Variants in NRXN1 observed in about 807,000 individuals in gnomAD.
NRXN1 encodes the protein neurexin 1.
NRXN1 carries 39 observed loss-of-function variants against 150.9 expected under a neutral mutation model. The ratio of observed to expected loss-of-function variants is 0.26; its 90% CI spans 0.20 to 0.34. NRXN1 has a LOEUF of 0.34. NRXN1 is among the 10% of genes least tolerant of loss of function. The pLI, the probability that NRXN1 is intolerant of heterozygous loss-of-function variation, is 1.00. For synonymous variants in NRXN1, 924 were observed against 757.0 expected (o/e 1.22, Z -3.62); for missense variants, 1,815 against 1,949.9 (o/e 0.93, Z 1.30).
chr2:50,824,484 C>T (rs1024205034), intron 5 of NRXN1, among the ~76,000 whole-genome samples: 2 of 151,766 alleles, frequency 1.3e-5, no homozygotes, highest in African/African-American at 4.8e-5. Flanking sequence ...CTTATGATTT[C>T]ACAATTTTCT....
At chr2:50,481,440 T>G (rs1270174504) in intron 15 of NRXN1, among the ~76,000 whole-genome samples, 1 of 152,242 alleles carries the variant, frequency 6.6e-6, no homozygotes, top group Non-Finnish European at 1.5e-5. Flanking sequence ...TTCTGATACA[T>G]AAGTAGAATT....
chr2:50,972,622 T>C (rs1390572249), intron 2 of NRXN1, among the ~76,000 whole-genome samples: 1 of 152,068 alleles, frequency 6.6e-6, no homozygotes, highest in African/African-American at 2.4e-5. Context: ...AGACTTAGCT[T>C]GTTTTCCTGC....
intron 5 of NRXN1, among the ~76,000 whole-genome samples, chr2:50,713,262 C>T (rs144078769): frequency 5.2e-4 from 79 of 151,154 alleles, no homozygotes; most frequent in African/African-American, 1.8e-3. Flanking sequence ...TGCAGTGAGC[C>T]GAGATAGTAC....
At chr2:50,196,588 A>G (rs1023890604) in intron 18 of NRXN1, among the ~76,000 whole-genome samples, 6 of 152,158 alleles carry the variant, frequency 3.9e-5, no homozygotes, top group African/African-American at 1.4e-4. Context: ...ATGACACAGT[A>G]TAAAACAGGC....
chr2:50,728,671 G>T (rs1331396415), intron 5 of NRXN1, among the ~76,000 whole-genome samples: 3 of 152,108 alleles, frequency 2.0e-5, no homozygotes, highest in Non-Finnish European at 4.4e-5. Context: ...GAAAATGCCT[G>T]CCTGTTAAAT....
At chr2:49,964,281 T>C (rs1676523510) in intron 21 of NRXN1, among the ~76,000 whole-genome samples, 1 of 152,196 alleles carries the variant, frequency 6.6e-6, no homozygotes, top group Non-Finnish European at 1.5e-5. Context: ...ACATAATCAC[T>C]ACATCTTCCA....
At chr2:50,490,715 C>G (rs1285715505) in intron 15 of NRXN1, among the ~76,000 whole-genome samples, 1 of 152,142 alleles carries the variant, frequency 6.6e-6, no homozygotes, top group Admixed American at 6.5e-5. Flanking sequence ...GGTGGCTGCA[C>G]TGCTGTCACG....
chr2:50,465,587 G>C (rs377593434), intron 16 of NRXN1, 26 bp from the exon 17 acceptor site: 24 of 1,580,272 alleles, frequency 1.5e-5, no homozygotes, highest in Non-Finnish European at 2.6e-6. Flanking sequence ...AAGGAAACTT[G>C]GGTTCTTTAA....
At chr2:50,038,769 CCTTT>C (rs1690449736) in intron 21 of NRXN1, among the ~76,000 whole-genome samples, 1 of 139,260 alleles carries the variant, frequency 7.2e-6, no homozygotes, top group African/African-American at 2.8e-5. Context: ...CTCCCTCCCT[CCTTT>C]CCTTCCTTCC....
At chr2:50,254,868 G>A (rs1307848770) in intron 17 of NRXN1, among the ~76,000 whole-genome samples, 1 of 152,010 alleles carries the variant, frequency 6.6e-6, no homozygotes, top group East Asian at 1.9e-4. Context: ...AAGCAGTGGT[G>A]TTATCGTGGT....
At chr2:50,782,815 G>A (rs1229474467) in intron 5 of NRXN1, among the ~76,000 whole-genome samples, 2 of 152,130 alleles carry the variant, frequency 1.3e-5, no homozygotes, top group Admixed American at 1.3e-4. Flanking sequence ...TTCTGAAGTA[G>A]ATGGAAAATG....
chr2:50,109,938 CTGTG>C (rs1403797809), intron 18 of NRXN1, among the ~76,000 whole-genome samples: 1 of 152,076 alleles, frequency 6.6e-6, no homozygotes, highest in Non-Finnish European at 1.5e-5. Flanking sequence ...AGAATATATT[CTGTG>C]TGATTATATT....
intron 18 of NRXN1, among the ~76,000 whole-genome samples, chr2:50,148,521 T>C (rs751594376): frequency 1.3e-5 from 2 of 151,668 alleles, no homozygotes; most frequent in Non-Finnish European, 3.0e-5. Flanking sequence ...TAATCACCAT[T>C]TGATTGAGTT....
Position 50,879,902 on chromosome 2 carries a change from G to T in NRXN1, c.832+41967C>A, listed in dbSNP as rs145204363. 4.7e-3 allele frequency among the ~76,000 whole-genome samples: 718 copies of T among 151,962 alleles called. 6 individuals carry two copies. Among genetic ancestry groups the T allele is most frequent in the African/African-American group, 0.016 (684 of 41,492 alleles). Reference sequence around the variant, plus strand: ...ATGCCCATGGTTGAGACGTATTTGCGGCAGGCTCCGAGTCCTGCCACCCAG... The same window carrying T: ...ATGCCCATGGTTGAGACGTATTTGCTGCAGGCTCCGAGTCCTGCCACCCAG... On this transcript the variant is annotated intron_variant, in intron 5 of 22. Coordinates refer to ENST00000401669, the MANE Select transcript of NRXN1 (RefSeq NM_001330078.2).
At chr2:50,142,069 G>C (rs1032971251) in intron 18 of NRXN1, among the ~76,000 whole-genome samples, 1 of 151,984 alleles carries the variant, frequency 6.6e-6, no homozygotes, top group Non-Finnish European at 1.5e-5. Context: ...TCCGTCAACA[G>C]GTAAATGGAT....
At chr2:50,232,245 A>C (rs926229859) in intron 18 of NRXN1, among the ~76,000 whole-genome samples, 3 of 152,104 alleles carry the variant, frequency 2.0e-5, no homozygotes, top group African/African-American at 7.2e-5. Flanking sequence ...CAACCAGCTC[A>C]TTTATTTTTG....
chr2:49,983,176 GCT>G (rs1680266766), intron 21 of NRXN1, among the ~76,000 whole-genome samples: 1 of 152,070 alleles, frequency 6.6e-6, no homozygotes, highest in South Asian at 2.1e-4. Context: ...TATTCAAATA[GCT>G]CTGTGTTTGT....
At chr2:50,124,208 T>A (rs1704255176) in intron 18 of NRXN1, among the ~76,000 whole-genome samples, 1 of 152,184 alleles carries the variant, frequency 6.6e-6, no homozygotes, top group Admixed American at 6.5e-5. Flanking sequence ...ATGCTGCTTG[T>A]AGTCCATGAA....
intron 5 of NRXN1, among the ~76,000 whole-genome samples, chr2:50,846,217 GT>G (rs1462923897): frequency 1.3e-5 from 2 of 152,068 alleles, no homozygotes; most frequent in Non-Finnish European, 2.9e-5. Flanking sequence ...TTTGTTTTGT[GT>G]TTTAGAGCAT....
Sources: allele counts gnomAD v4.1 joint callset (sites outside exome capture counted in the v4.1 genomes callset), GRCh38; gene constraint gnomAD v4.1.1; transcripts MANE v1.5; gene names NCBI Gene and HGNC (gene_info 2026-07-23, HGNC 2026-07-21).